Variants in ASMTL observed in about 807,000 individuals in gnomAD.
ASMTL encodes the protein acetylserotonin O-methyltransferase like.
Under a neutral mutation model 60.3 loss-of-function variants are expected in ASMTL, and 57 were observed. The ratio of observed to expected loss-of-function variants is 0.95; its 90% CI spans 0.76 to 1.18. The LOEUF (loss-of-function observed/expected upper bound fraction) is 1.18. Among genes scored for constraint, ASMTL ranks in the 50% most tolerant of loss-of-function variants. The pLI is 0.00. For missense variants in ASMTL, 981 were observed against 852.6 expected (o/e 1.15, Z -1.88); for synonymous variants, 419 against 373.0 (o/e 1.12, Z -1.42).
chrX:1,453,268 G>GC (rs200394609), upstream of ASMTL, among the ~76,000 whole-genome samples: 20,689 of 144,016 alleles, frequency 0.14, 1,611 homozygotes, highest in Middle Eastern at 0.24. Flanking sequence ...ACACCTCCTT[G>GC]CCCTCTCCGC....
intron 8 of ASMTL, 106 bp from the exon 9 acceptor site, chrX:1,421,948 A>G: frequency 9.4e-7 from 1 of 1,059,756 alleles, no homozygotes; most frequent in Non-Finnish European, 1.4e-6. Context: ...CACCCATCTG[A>G]CTATAGCAAA....
chrX:1,443,140 C>CACCGCCGTCGTAGACACAT (rs1373341125), intron 1 of ASMTL, among the ~76,000 whole-genome samples: 1 of 139,398 alleles, frequency 7.2e-6, no homozygotes, highest in Non-Finnish European at 1.6e-5. Flanking sequence ...CGTGGACACA[C>CACCGCCGTCGTAGACACAT]GCCGCCATCT....
intron 1 of ASMTL, among the ~76,000 whole-genome samples, chrX:1,451,253 G>A (rs778384499): frequency 5.1e-5 from 7 of 138,120 alleles, no homozygotes; most frequent in Middle Eastern, 4.5e-3. Flanking sequence ...TGCCTAGGGC[G>A]TCCTGGGTTA....
intron 9 of ASMTL, among the ~76,000 whole-genome samples, chrX:1,420,375 A>C (rs1210007627): frequency 3.5e-5 from 5 of 144,420 alleles, no homozygotes; most frequent in African/African-American, 7.8e-5. Context: ...CTGTCTGCCT[A>C]TCTCTCTCTC....
At chrX:1,436,265 C>T (rs1322570793) in intron 3 of ASMTL, among the ~76,000 whole-genome samples, 81 of 152,348 alleles carry the variant, frequency 5.3e-4, no homozygotes, top group Admixed American at 2.6e-3. Context: ...CCTCCGCCTC[C>T]GGGGTTCAAG....
At chrX:1,452,970 G>C (rs1391755536), upstream of ASMTL, 18 of 689,026 alleles carry the variant, frequency 2.6e-5, 1 homozygote, top group African/African-American at 3.3e-4. Flanking sequence ...CCGCCTCCGC[G>C]AGGCCACGCC....
chrX:1,445,196 G>C (rs1355407598), intron 1 of ASMTL, among the ~76,000 whole-genome samples: 2 of 152,178 alleles, frequency 1.3e-5, no homozygotes, highest in African/African-American at 4.8e-5. Context: ...AAGCGATCTT[G>C]AGGGATGCCC....
chrX:1,417,958 A>G lies in ASMTL; in HGVS notation c.1522+15T>C. 1 of 1,596,746 alleles carries G rather than the reference A, an allele frequency of 6.3e-7. No homozygotes were observed. The highest frequency in any genetic ancestry group is 1.1e-5 in the South Asian group (1 of 89,364). ...TCTGGAAAAGGTTAGCAGGGTGAACAGGAGGAGGGCTCACCTGCTGCGAAG... is the reference window on the plus strand; with the variant it reads ...TCTGGAAAAGGTTAGCAGGGTGAACGGGAGGAGGGCTCACCTGCTGCGAAG... On this transcript the variant is annotated intron_variant, in intron 11 of 12. Coordinates refer to ENST00000381317, the MANE Select transcript of ASMTL (RefSeq NM_004192.4).
intron 8 of ASMTL, among the ~76,000 whole-genome samples, chrX:1,423,836 T>G (rs1268702311): frequency 8.2e-6 from 1 of 121,674 alleles, no homozygotes; most frequent in African/African-American, 3.2e-5. Context: ...ATCCATCCAC[T>G]CATCCATCCA....
At position 1,421,638 on chromosome X, in the gene ASMTL, C is replaced by T. The variant is rs1377233002; in HGVS notation, c.1245+20G>A. On this transcript the variant is annotated intron_variant, in intron 9 of 12. Transcript: ENST00000381317. The stretch of plus-strand genomic sequence containing the variant: ...AAATGCACGCTAGACGGAAAGGTGT[C>T]CGCGGGGGTGTTATGCTACCTGGAA... The T allele has an allele frequency of 6.8e-6, 11 of 1,613,526 alleles. No homozygotes were observed. Among genetic ancestry groups the T allele is most frequent in the Non-Finnish European group, 9.3e-6 (11 of 1,179,676 alleles).
At chrX:1,451,063 CCATACCTAGGG>C (rs2091363589) in intron 1 of ASMTL, among the ~76,000 whole-genome samples, 1 of 148,528 alleles carries the variant, frequency 6.7e-6, no homozygotes, top group Admixed American at 6.7e-5. Flanking sequence ...CTCCCCTCCC[CCATACCTAGGG>C]ATTCCGGATC....
rs202026668 is a variant in ASMTL at position 1,412,781 on chromosome X, G to A, written c.1596C>T (p.Asp532=). ...TGCTGAGTAACTTGTGGACTTTGTC[G>A]TCTGGCCAGTCATGCAGGATCCGGC... ...VLCRILHDWP[D]DKVHKLLSRV... The change falls in exon 12 of 13, where the codon GAC becomes GAT. Residue 532 remains aspartate, a synonymous_variant. Coordinates refer to ENST00000381317, the MANE Select transcript of ASMTL (RefSeq NM_004192.4). 4.6e-5 allele frequency: 75 copies of A among 1,613,812 alleles called. No homozygotes were observed. The highest frequency in any genetic ancestry group is 8.3e-5 in the Admixed American group (5 of 59,990).
intron 3 of ASMTL, 85 bp downstream of exon 3, chrX:1,439,012 T>G (rs1603451613): frequency 2.8e-6 from 4 of 1,411,382 alleles, no homozygotes; most frequent in Non-Finnish European, 4.0e-6. Context: ...TTAAGGGGAA[T>G]GTACAACATC....
In ASMTL at chrX:1,418,081, C is replaced by CA. The variant is rs769543621; in HGVS notation, c.1413dup (p.Glu472Ter). ...ACAGTCACCTGCATACGAGGGTACT[C>CA]ACGGGCCAGCTCTCGGGCCAGTGCA... On this transcript the variant is annotated frameshift_variant, in exon 11 of 13. Transcript: ENST00000381317. LOFTEE classifies it high-confidence loss of function. 6.2e-7 allele frequency: 1 copy of CA among 1,612,060 alleles called. No individual in the cohort carries two copies. Among genetic ancestry groups the CA allele is most frequent in the South Asian group, 1.1e-5 (1 of 90,868 alleles).
At chrX:1,412,175 C>A (rs1298604517) in intron 12 of ASMTL, among the ~76,000 whole-genome samples, 10 of 152,070 alleles carry the variant, frequency 6.6e-5, no homozygotes, top group African/African-American at 2.2e-4. Context: ...GGCCTCTCAC[C>A]CAGACGCTGG....
At chrX:1,425,404 G>T in intron 8 of ASMTL, 121 bp downstream of exon 8, 2 of 1,166,226 alleles carry the variant, frequency 1.7e-6, no homozygotes. Flanking sequence ...CAGCATTCCT[G>T]AGGGCAGAGG....
At chrX:1,425,381 C>G in intron 8 of ASMTL, 144 bp downstream of exon 8, 1 of 1,002,188 alleles carries the variant, frequency 1.0e-6, no homozygotes, top group Non-Finnish European at 1.4e-6. Context: ...GCTTCTCAAC[C>G]TTTCGGGAAA....
At position 1,432,453 on chromosome X, in the gene ASMTL, G is replaced by A. The variant is rs1335418658; in HGVS notation, c.401-76C>T. ...CGTGCCCTGACAGCTGCGTGGCTGT[G>A]CTGTGGAGGTGTGTACTCGAGCGCA... On this transcript the variant is annotated intron_variant, in intron 5 of 12. Coordinates refer to ENST00000381317, the MANE Select transcript of ASMTL (RefSeq NM_004192.4). 5.5e-6 allele frequency: 6 copies of A among 1,091,288 alleles called. No individual in the cohort carries two copies. In the African/African-American group the frequency reaches 7.7e-5, roughly 14 times the overall value. The allele number at this position is 1,091,288 out of a possible 1,614,324, so 67.6% of individuals were successfully genotyped here. A position where few individuals can be genotyped will look rare whatever the true frequency, so the allele number is the denominator to read the frequency against.
upstream of ASMTL, among the ~76,000 whole-genome samples, chrX:1,453,202 C>A (rs1489316232): frequency 6.7e-6 from 1 of 149,512 alleles, no homozygotes; most frequent in African/African-American, 2.5e-5. Context: ...CCCTCTCCGC[C>A]AGGCCACGCC....
Sources: gnomAD v4.1 joint callset for allele counts (sites outside exome capture counted in the v4.1 genomes callset) on GRCh38, gnomAD v4.1.1 for gene constraint, MANE v1.5 for transcripts, NCBI Gene and HGNC (gene_info 2026-07-23, HGNC 2026-07-21) for gene names.